Variants in TMEM140 observed in about 807,000 individuals in gnomAD.
TMEM140 encodes the protein transmembrane protein 140.
For synonymous variants in TMEM140, 107 were observed against 106.8 expected, an observed-to-expected ratio of 1.00 and a Z score of -0.01; for missense variants, 236 against 228.5, an observed-to-expected ratio of 1.03 and a Z score of -0.21.
Position 135,164,754 on chromosome 7 carries a change from C to G in TMEM140, c.313C>G (p.Gln105Glu), listed in dbSNP as rs762557232. 3.7e-6 allele frequency: 6 copies of G among 1,614,236 alleles called. No homozygotes were observed. Among genetic ancestry groups the G allele is most frequent in the Non-Finnish European group, 5.1e-6 (6 of 1,180,034 alleles). The change falls in exon 2 of 2, where the codon CAG becomes GAG. Residue 105 changes from glutamine to glutamate, a missense_variant. Physicochemically the swap from Gln to Glu is conservative, Grantham distance 29. Coordinates refer to ENST00000275767, the MANE Select transcript of TMEM140 (RefSeq NM_018295.5). ...LFAPQPLLLA[Q>E]CNSDERAWRL... ...TGCCCCCCAGCCTCTCCTCCTAGCC[C>G]AGTGCAACAGTGATGAGAGAGCGTG...
chr7:135,164,498 C>A lies in TMEM140; in HGVS notation c.57C>A (p.Val19=), dbSNP rs143558708. 1.2e-4 allele frequency: 201 copies of A among 1,612,630 alleles called. No homozygotes were observed. Among genetic ancestry groups the A allele is most frequent in the Admixed American group, 4.8e-4 (29 of 59,988 alleles). ...RDQLLFMSII[V]LVIVVICLMF... The stretch of plus-strand genomic sequence containing the variant: ...AGCTGCTGTTCATGAGCATCATAGT[C>A]CTCGTGATTGTGGTCATCTGCCTGA... The change falls in exon 2 of 2, where the codon GTC becomes GTA. Residue 19 remains valine, a synonymous_variant. Transcript: ENST00000275767.
Position 135,165,116 on chromosome 7 carries a change from A to G in TMEM140, c.*117A>G. ...CAGCTCCAGCGATGGAACCCACTAC[A>G]GAGGAGGTGGGGCCCCTGTGTCAAA... On this transcript the variant is annotated 3_prime_UTR_variant, in exon 2 of 2. Transcript: ENST00000275767. The G allele has an allele frequency of 3.0e-6, 4 of 1,327,042 alleles. No individual in the cohort carries two copies. The highest frequency in any genetic ancestry group is 1.5e-5 in the African/African-American group (1 of 67,574). 82.2% of individuals were successfully genotyped at this position (1,327,042 alleles called of 1,614,324 possible). A position where few individuals can be genotyped will look rare whatever the true frequency, so the allele number is the denominator to read the frequency against.
At chr7:135,154,768 C>T (rs1011760932) in intron 1 of TMEM140, among the ~76,000 whole-genome samples, 4 of 152,174 alleles carry the variant, frequency 2.6e-5, no homozygotes, top group African/African-American at 9.7e-5. Context: ...TGTGGCCTTA[C>T]ATGTGATCTA....
chr7:135,164,383 G>T, intron 1 of TMEM140, 35 bp from the exon 2 acceptor site: 1 of 1,500,506 alleles, frequency 6.7e-7, no homozygotes. Context: ...AACAAGCAAG[G>T]GAGAGATGGA....
chr7:135,164,955 CCT>C lies in TMEM140; in HGVS notation c.517_518del (p.Leu173GlufsTer3), dbSNP rs1224472400. On this transcript the variant is annotated frameshift_variant, in exon 2 of 2. Coordinates refer to ENST00000275767, the MANE Select transcript of TMEM140 (RefSeq NM_018295.5). LOFTEE classifies it low-confidence loss of function (END_TRUNC). ...ILLLIAMAVFPLRAERAESKL... is the reference protein window; with the variant it reads ...ILLLIAMAVFXLRAERAESKL... ...CTTGCTTATAGCCATGGCTGTGTTCCCTCTGAGGGCTGAGAGGGCTGAGAGCA... is the reference window on the plus strand; with the variant it reads ...CTTGCTTATAGCCATGGCTGTGTTCCCTGAGGGCTGAGAGGGCTGAGAGCA... 1.2e-6 allele frequency: 2 copies of C among 1,608,992 alleles called. No homozygotes were observed. Among genetic ancestry groups the C allele is most frequent in the African/African-American group, 2.7e-5 (2 of 74,758 alleles).
chr7:135,164,822 G>T lies in TMEM140; in HGVS notation c.381G>T (p.Leu127=). Residue 127 remains leucine (L), a synonymous_variant, in exon 2 of 2, where the codon CTG becomes CTT. Coordinates refer to ENST00000275767, the MANE Select transcript of TMEM140 (RefSeq NM_018295.5). ...VGFLAVSSVL[L]AGGLGLFLSY... ...TCCTGGCTGTGTCCTCTGTGCTGCT[G>T]GCAGGCGGCCTGGGCCTCTTCCTCT... The T allele has an allele frequency of 6.2e-7, 1 of 1,614,102 alleles. No individual in the cohort carries two copies. The highest frequency in any genetic ancestry group is 8.5e-7 in the Non-Finnish European group (1 of 1,179,942).
In TMEM140 at chr7:135,151,531, C is replaced by T. The variant is rs1455487493; in HGVS notation, c.-25+3261C>T. Reference sequence around the variant, plus strand: ...TGCTAACATTTTCTTCCCAGTTCTCCTCTCTCCATTCAGGCGACACACCCA... The same window carrying T: ...TGCTAACATTTTCTTCCCAGTTCTCTTCTCTCCATTCAGGCGACACACCCA... On this transcript the variant is annotated intron_variant, in intron 1 of 1. Coordinates refer to ENST00000275767, the MANE Select transcript of TMEM140 (RefSeq NM_018295.5). The surrounding 1 kb of genome is among the most constrained non-coding windows in gnomAD (Gnocchi z 4.3). Among the ~76,000 whole-genome samples, 1 of 152,168 alleles carries T rather than the reference C, an allele frequency of 6.6e-6. No homozygotes were observed.
intron 1 of TMEM140, among the ~76,000 whole-genome samples, chr7:135,159,873 A>G (rs1276831096): frequency 1.3e-5 from 2 of 152,254 alleles, no homozygotes; most frequent in Non-Finnish European, 2.9e-5. Context: ...AGAATAAAAG[A>G]CTCAAGAATA....
intron 1 of TMEM140, among the ~76,000 whole-genome samples, chr7:135,148,490 A>T (rs1829595469): frequency 6.6e-6 from 1 of 152,138 alleles, no homozygotes; most frequent in African/African-American, 2.4e-5. Context: ...CGGCATCAAC[A>T]TGTGTAGCTC....
In TMEM140 at chr7:135,164,871, C is replaced by A. The variant is rs766237152; in HGVS notation, c.430C>A (p.Leu144Ile). 4.3e-6 allele frequency: 7 copies of A among 1,614,186 alleles called. No homozygotes were observed. The highest frequency in any genetic ancestry group is 5.9e-6 in the Non-Finnish European group (7 of 1,180,014). The change falls in exon 2 of 2, where the codon CTC becomes ATC. Residue 144 changes from leucine to isoleucine, a missense_variant. Physicochemically the swap from Leu to Ile is conservative, Grantham distance 5. Coordinates refer to ENST00000275767, the MANE Select transcript of TMEM140 (RefSeq NM_018295.5). Reference sequence around the variant, plus strand: ...CTCCTATGTGTGGAAGTGGGTCAGGCTCTCCCTCCCGGGGCCTGGGTTTCT... The same window carrying A: ...CTCCTATGTGTGGAAGTGGGTCAGGATCTCCCTCCCGGGGCCTGGGTTTCT... ...FLSYVWKWVR[L>I]SLPGPGFLAL...
At chr7:135,159,549 C>T (rs1407374752) in intron 1 of TMEM140, among the ~76,000 whole-genome samples, 1 of 152,176 alleles carries the variant, frequency 6.6e-6, no homozygotes, top group Non-Finnish European at 1.5e-5. Flanking sequence ...GGCTGTAACT[C>T]TTGAGTGACA....
At chr7:135,164,077 T>A (rs555695921) in intron 1 of TMEM140, among the ~76,000 whole-genome samples, 82 of 152,358 alleles carry the variant, frequency 5.4e-4, no homozygotes, top group African/African-American at 1.9e-3. Flanking sequence ...AAAAAAGATC[T>A]GAGAAATCCC....
At chr7:135,152,693 A>G (rs1421324386) in intron 1 of TMEM140, 4 of 152,224 alleles carry the variant, frequency 2.6e-5, no homozygotes, top group Non-Finnish European at 5.9e-5. Flanking sequence ...AGTCTCATCA[A>G]AGCAAGTTCT....
rs1409805899 is a variant in TMEM140, at chr7:135,164,542, G to A, written c.101G>A (p.Trp34Ter). 1 of 1,614,092 alleles carries A rather than the reference G, an allele frequency of 6.2e-7. No individual in the cohort carries two copies. The highest frequency in any genetic ancestry group is 1.1e-5 in the South Asian group (1 of 91,084). The change falls in exon 2 of 2, where the codon TGG (tryptophan) becomes TAG (stop). Residue 34 changes from tryptophan to a stop codon, truncating the protein, a stop_gained. Coordinates refer to ENST00000275767, the MANE Select transcript of TMEM140 (RefSeq NM_018295.5). LOFTEE classifies it low-confidence loss of function (END_TRUNC). The part of the protein sequence containing the change: ...VICLMFYALL[W>*]EAGNLTDLPN... ...TGCCTGATGTTTTACGCTCTTCTCT[G>A]GGAGGCTGGCAACCTCACTGACCTG...
intron 1 of TMEM140, among the ~76,000 whole-genome samples, chr7:135,159,678 AT>A (rs1829879334): frequency 6.6e-6 from 1 of 152,212 alleles, no homozygotes; most frequent in African/African-American, 2.4e-5. Context: ...AACAGCCTTT[AT>A]TTTTAAAGGG....
At position 135,148,083 on chromosome 7, in the gene TMEM140, T is replaced by A. The variant is rs1438886076; in HGVS notation, c.-212T>A. 4.4e-6 allele frequency: 2 copies of A among 456,120 alleles called. No individual in the cohort carries two copies. The highest frequency in any genetic ancestry group is 8.8e-6 in the Non-Finnish European group (2 of 226,960). The allele number at this position is 456,120 out of a possible 1,614,324, so 28.3% of individuals were successfully genotyped here. On this transcript the variant is annotated 5_prime_UTR_variant, in exon 1 of 2. Transcript: ENST00000275767. Reference sequence around the variant, plus strand: ...ATGTACCAAAGTTCAGAGAGCTGTTTACTAGGCACGACTGCGAAGGCAAGG... The same window carrying A: ...ATGTACCAAAGTTCAGAGAGCTGTTAACTAGGCACGACTGCGAAGGCAAGG...
chr7:135,160,530 C>G (rs1050421915), intron 1 of TMEM140, among the ~76,000 whole-genome samples: 1 of 152,158 alleles, frequency 6.6e-6, no homozygotes, highest in African/African-American at 2.4e-5. Flanking sequence ...CGAGGACTGA[C>G]TTCCACCCTC....
intron 1 of TMEM140, among the ~76,000 whole-genome samples, chr7:135,158,988 A>AGGCCCT (rs1351076950): frequency 6.6e-6 from 1 of 152,246 alleles, no homozygotes; most frequent in Non-Finnish European, 1.5e-5. Context: ...TGTCAGGCCC[A>AGGCCCT]GGCCCTGGCC....
chr7:135,153,567 A>G (rs1829716280), intron 1 of TMEM140, among the ~76,000 whole-genome samples: 1 of 152,184 alleles, frequency 6.6e-6, no homozygotes, highest in African/African-American at 2.4e-5. Context: ...AATTAATACA[A>G]CTTTTAGGGA....
Sources: gnomAD v4.1 joint callset for allele counts (sites outside exome capture counted in the v4.1 genomes callset) on GRCh38, gnomAD v4.1.1 for gene constraint, Gnocchi (gnomAD v3.1) non-coding constraint, MANE v1.5 for transcripts, NCBI Gene and HGNC (gene_info 2026-07-23, HGNC 2026-07-21) for gene names.